MIA2: variants seen among roughly 807,000 people sequenced by gnomAD.
The protein encoded by MIA2 is melanoma inhibitory activity protein 2.
In MIA2, 127 loss-of-function variants were observed where a neutral mutation model predicts 167.8. The ratio of observed to expected loss-of-function variants is 0.76; its 90% CI spans 0.66 to 0.88. The LOEUF (loss-of-function observed/expected upper bound fraction) is 0.88. MIA2 is among the 40% of genes least tolerant of loss of function. The pLI, the probability that MIA2 is intolerant of heterozygous loss-of-function variation, is 0.00. For synonymous variants in MIA2, 552 were observed against 541.9 expected (o/e 1.02, Z -0.26); for missense variants, 1,690 against 1,624.7 (o/e 1.04, Z -0.69).
intron 9 of MIA2, among the ~76,000 whole-genome samples, chr14:39,287,137 G>A (rs1193469774): frequency 6.8e-6 from 1 of 146,888 alleles, no homozygotes; most frequent in Non-Finnish European, 1.5e-5. Flanking sequence ...GCAGTGGCAT[G>A]GTCATGGCTC....
At chr14:39,309,647 C>G (rs1378489439) in intron 18 of MIA2, among the ~76,000 whole-genome samples, 1 of 152,138 alleles carries the variant, frequency 6.6e-6, no homozygotes, top group African/African-American at 2.4e-5. Flanking sequence ...TGCCTCATGG[C>G]TCTTATTGTC....
chr14:39,348,191 GAT>G (rs1001872244), intron 27 of MIA2, among the ~76,000 whole-genome samples: 4 of 152,114 alleles, frequency 2.6e-5, no homozygotes, highest in African/African-American at 9.7e-5. Flanking sequence ...TCTAGGTTTT[GAT>G]ATAAAGCTGA....
At chr14:39,300,985 T>C (rs1461151058) in intron 14 of MIA2, among the ~76,000 whole-genome samples, 26 of 77,682 alleles carry the variant, frequency 3.3e-4, no homozygotes, top group East Asian at 2.1e-3. Context: ...CATATATACA[T>C]ATATACACAT....
At chr14:39,303,384 T>G (rs983964584) in intron 15 of MIA2, 94 bp from the exon 16 acceptor site, 4 of 945,410 alleles carry the variant, frequency 4.2e-6, no homozygotes, top group Non-Finnish European at 6.6e-6. Flanking sequence ...ATTATAAGTT[T>G]CTGGTTTAGT....
In MIA2 at chr14:39,246,896, AT is replaced by A; in HGVS notation, c.337-9del. 4 of 1,391,240 alleles carry A rather than the reference AT, an allele frequency of 2.9e-6. No homozygotes were observed. In the South Asian group the frequency reaches 4.4e-5, roughly 15 times the overall value. The allele number at this position is 1,391,240 out of a possible 1,614,324, so 86.2% of individuals were successfully genotyped here. The stretch of plus-strand genomic sequence containing the variant: ...GTACATTCATGTTAATCATATATAT[AT>A]TTTTTCCTTTTAGGAATCTGACTTT... On this transcript the variant is annotated splice_polypyrimidine_tract_variant and intron_variant, in intron 3 of 28. Coordinates refer to ENST00000640607, the MANE Select transcript of MIA2 (RefSeq NM_001329214.4).
At chr14:39,325,494 A>T (rs2067316055) in intron 24 of MIA2, among the ~76,000 whole-genome samples, 1 of 146,702 alleles carries the variant, frequency 6.8e-6, no homozygotes, top group Admixed American at 6.9e-5. Flanking sequence ...CAGCCTCCTG[A>T]GTAGCTGGGA....
At chr14:39,266,360 G>C in intron 6 of MIA2, 2 of 985,358 alleles carry the variant, frequency 2.0e-6, no homozygotes, top group Non-Finnish European at 2.4e-6. Context: ...CCTAAAAATA[G>C]AGTCCTAAAT....
chr14:39,361,726 C>G (rs1160962895), intron 23 of MIA2, among the ~76,000 whole-genome samples: 2 of 152,156 alleles, frequency 1.3e-5, no homozygotes. Context: ...AGGCTTGAGC[C>G]ACCGTGCCTG....
At chr14:39,282,169 G>A (rs774909090) in intron 9 of MIA2, among the ~76,000 whole-genome samples, 7 of 152,066 alleles carry the variant, frequency 4.6e-5, no homozygotes, top group African/African-American at 7.2e-5. Context: ...GGGTGCTGTC[G>A]TCTCTCTTCA....
At chr14:39,357,364 A>G (rs1282094028) in intron 23 of MIA2, among the ~76,000 whole-genome samples, 4 of 152,170 alleles carry the variant, frequency 2.6e-5, no homozygotes, top group African/African-American at 9.6e-5. Context: ...ATCAGAGATT[A>G]GGATTGCAAC....
chr14:39,359,574 G>A (rs2074625879), intron 23 of MIA2, among the ~76,000 whole-genome samples: 3 of 152,090 alleles, frequency 2.0e-5, no homozygotes, highest in South Asian at 2.1e-4. Context: ...CCCACTGTCC[G>A]ACAATCCCCA....
intron 25 of MIA2, among the ~76,000 whole-genome samples, chr14:39,335,532 G>A (rs2153032521): frequency 6.6e-6 from 1 of 152,230 alleles, no homozygotes; most frequent in South Asian, 2.1e-4. Flanking sequence ...AGCTTATATA[G>A]TCAGAAAAAA....
chr14:39,283,325 G>C (rs1405278933), intron 9 of MIA2, among the ~76,000 whole-genome samples: 1 of 152,194 alleles, frequency 6.6e-6, no homozygotes, highest in Non-Finnish European at 1.5e-5. Flanking sequence ...ACTTTCTGTA[G>C]TGACTGTACC....
At chr14:39,252,361 G>A (rs1179409542) in intron 4 of MIA2, among the ~76,000 whole-genome samples, 1 of 152,138 alleles carries the variant, frequency 6.6e-6, no homozygotes, top group East Asian at 1.9e-4. Flanking sequence ...CTACACTGCT[G>A]GCTTTGAAAA....
chr14:39,239,955 C>T (rs993540254), intron 2 of MIA2, among the ~76,000 whole-genome samples: 1 of 152,144 alleles, frequency 6.6e-6, no homozygotes, highest in African/African-American at 2.4e-5. Flanking sequence ...AGGAAATGCG[C>T]TGAGGGTGGA....
intron 9 of MIA2, among the ~76,000 whole-genome samples, chr14:39,288,984 CAT>C (rs1377089600): frequency 6.6e-6 from 1 of 152,080 alleles, no homozygotes; most frequent in Non-Finnish European, 1.5e-5. Context: ...ATGCTGGACT[CAT>C]AAAATGTGTT....
chr14:39,259,441 A>AG (rs1303078201), intron 6 of MIA2, among the ~76,000 whole-genome samples: 1 of 152,230 alleles, frequency 6.6e-6, no homozygotes, highest in Non-Finnish European at 1.5e-5. Context: ...CTCCGCAAGG[A>AG]GCCTTGGCAA....
chr14:39,354,490 T>C (rs2074471296), downstream of MIA2, among the ~76,000 whole-genome samples: 1 of 152,226 alleles, frequency 6.6e-6, no homozygotes, highest in Admixed American at 6.5e-5. Flanking sequence ...ATTGCAAAAA[T>C]GTTCTCCCAT....
intron 10 of MIA2, among the ~76,000 whole-genome samples, chr14:39,291,780 A>G (rs1488035376): frequency 6.6e-6 from 1 of 152,176 alleles, no homozygotes; most frequent in East Asian, 1.9e-4. Flanking sequence ...TTAAGGAAGG[A>G]AAGTATGGTA....
Sources: gnomAD v4.1 joint callset for allele counts (sites outside exome capture counted in the v4.1 genomes callset) on GRCh38, gnomAD v4.1.1 for gene constraint, MANE v1.5 for transcripts, NCBI Gene and HGNC (gene_info 2026-07-23, HGNC 2026-07-21) for gene names.